The following ARL15 variants were observed in gnomAD, a reference collection of about 807,000 sequenced individuals.
The protein encoded by ARL15 is ADP-ribosylation factor-like protein 15.
ARL15 carries 19 observed loss-of-function variants against 25.2 expected under a neutral mutation model. The observed-to-expected ratio is 0.75, with a 90% CI of 0.53 to 1.10. ARL15 has a LOEUF of 1.10. Ranked by LOEUF, ARL15 falls within the 50% of genes least tolerant of loss-of-function variation. The pLI, the probability that ARL15 is intolerant of heterozygous loss-of-function variation, is 0.00. For missense variants in ARL15, 220 were observed against 246.0 expected, an observed-to-expected ratio of 0.89 and a Z score of 0.71; for synonymous variants, 94 against 86.8, an observed-to-expected ratio of 1.08 and a Z score of -0.46.
At chr5:54,216,614 GGTATAT>G (rs1756213505) in intron 1 of ARL15, among the ~76,000 whole-genome samples, 1 of 149,062 alleles carries the variant, frequency 6.7e-6, no homozygotes, top group African/African-American at 2.5e-5. Flanking sequence ...CTATATTATG[GGTATAT>G]GTATATGTAT....
At chr5:53,965,911 C>CA (rs1747544929) in intron 4 of ARL15, among the ~76,000 whole-genome samples, 1 of 152,140 alleles carries the variant, frequency 6.6e-6, no homozygotes, top group Non-Finnish European at 1.5e-5. Context: ...GGAACATCGA[C>CA]AAACTCTTGC....
chr5:53,973,347 G>T (rs1472846939), intron 4 of ARL15, among the ~76,000 whole-genome samples: 1 of 152,140 alleles, frequency 6.6e-6, no homozygotes, highest in Admixed American at 6.5e-5. Flanking sequence ...GCCGAGGCAG[G>T]TGGATCACCT....
At chr5:54,144,629 G>A (rs1753856526) in intron 3 of ARL15, among the ~76,000 whole-genome samples, 1 of 152,016 alleles carries the variant, frequency 6.6e-6, no homozygotes, top group African/African-American at 2.4e-5. Context: ...ATATTGCGGT[G>A]TGTCATAATT....
At chr5:54,015,787 A>C (rs1410931751) in intron 4 of ARL15, among the ~76,000 whole-genome samples, 1 of 152,130 alleles carries the variant, frequency 6.6e-6, no homozygotes, top group Non-Finnish European at 1.5e-5. Flanking sequence ...AGAATGTGCA[A>C]CCCCAAAATA....
chr5:54,236,672 G>T (rs1225218473), intron 1 of ARL15, among the ~76,000 whole-genome samples: 1 of 152,148 alleles, frequency 6.6e-6, no homozygotes, highest in Non-Finnish European at 1.5e-5. Context: ...TTTATAATGT[G>T]CCAGTGTTTC....
chr5:54,064,341 T>C (rs1225401194), intron 4 of ARL15, among the ~76,000 whole-genome samples: 1 of 152,158 alleles, frequency 6.6e-6, no homozygotes, highest in Non-Finnish European at 1.5e-5. Flanking sequence ...GCACTCCCCC[T>C]GTAAGTTCCC....
intron 2 of ARL15, among the ~76,000 whole-genome samples, chr5:54,164,958 T>C (rs1754523866): frequency 6.6e-6 from 1 of 151,994 alleles, no homozygotes; most frequent in South Asian, 2.1e-4. Flanking sequence ...TTTTCTGCCT[T>C]CTTTTGGATT....
At position 54,066,440 on chromosome 5, in the gene ARL15, G is replaced by A. The variant is rs569339464; in HGVS notation, c.462+46762C>T. 5.8e-4 allele frequency among the ~76,000 whole-genome samples: 88 copies of A among 152,262 alleles called. No individual in the cohort carries two copies. The South Asian group carries it at 9.8e-3, about 17-fold the overall frequency. On this transcript the variant is annotated intron_variant, in intron 4 of 4. Coordinates refer to ENST00000504924, the MANE Select transcript of ARL15 (RefSeq NM_019087.3). ...AAAATGCTTAGATGTTATATAGCAT[G>A]AACAATCAGAATACAACACTATCCA...
chr5:54,048,533 G>C (rs1418173332), intron 4 of ARL15, among the ~76,000 whole-genome samples: 1 of 150,184 alleles, frequency 6.7e-6, no homozygotes, highest in Non-Finnish European at 1.5e-5. Context: ...TTCCCAAGTA[G>C]TTGGGATTTA....
At chr5:54,058,605 C>A (rs1037611740) in intron 4 of ARL15, among the ~76,000 whole-genome samples, 3 of 152,094 alleles carry the variant, frequency 2.0e-5, no homozygotes, top group Non-Finnish European at 4.4e-5. Context: ...GAAATCTGGG[C>A]AGAGGGAAAA....
At chr5:54,260,999 G>A (rs1245815601) in intron 1 of ARL15, among the ~76,000 whole-genome samples, 7 of 152,082 alleles carry the variant, frequency 4.6e-5, no homozygotes, top group Non-Finnish European at 8.8e-5. Flanking sequence ...AGTTCCCCCC[G>A]CTTCTGATCT....
Position 54,112,186 on chromosome 5 carries a change from G to A in ARL15, c.462+1016C>T, listed in dbSNP as rs539029064. On this transcript the variant is annotated intron_variant, in intron 4 of 4. Transcript: ENST00000504924. ...CTATTTATATGGTTCTTCTACTTAG[G>A]TGTTTAAACTTCAAAGTAAATTATC... Among the ~76,000 whole-genome samples, 22 of 152,100 alleles carry A rather than the reference G, an allele frequency of 1.4e-4. 1 individual carries two copies. In the South Asian group the frequency reaches 3.5e-3, roughly 24 times the overall value.
At chr5:54,057,306 AT>A (rs1405426284) in intron 4 of ARL15, among the ~76,000 whole-genome samples, 2 of 152,216 alleles carry the variant, frequency 1.3e-5, no homozygotes, top group African/African-American at 4.8e-5. Context: ...GCTGAAGAAA[AT>A]AAATGTTCTT....
chr5:54,233,945 T>C (rs1445168894), intron 1 of ARL15, among the ~76,000 whole-genome samples: 6 of 152,224 alleles, frequency 3.9e-5, no homozygotes, highest in Non-Finnish European at 7.4e-5. Context: ...ATTTTTGTTT[T>C]GGAAAATATA....
intron 1 of ARL15, among the ~76,000 whole-genome samples, chr5:54,244,053 G>C (rs569761003): frequency 6.6e-6 from 1 of 152,016 alleles, no homozygotes; most frequent in South Asian, 2.1e-4. Context: ...TCCCTCTCTG[G>C]GCCTGTTTCC....
At chr5:53,917,298 T>C (rs950020165) in intron 4 of ARL15, among the ~76,000 whole-genome samples, 12 of 152,202 alleles carry the variant, frequency 7.9e-5, no homozygotes, top group Non-Finnish European at 1.8e-4. Flanking sequence ...AAAATTCTCC[T>C]AGGAATTTGA....
At position 53,929,949 on chromosome 5, in the gene ARL15, T is replaced by G. The variant is rs569281288; in HGVS notation, c.463-43236A>C. ...TGCTCTCTTTACTTATGCTCTGTTC[T>G]TAGGAGGGGCTGATCATTTATTATA... On this transcript the variant is annotated intron_variant, in intron 4 of 4. Coordinates refer to ENST00000504924, the MANE Select transcript of ARL15 (RefSeq NM_019087.3). Among the ~76,000 whole-genome samples, 23 of 152,166 alleles carry G rather than the reference T, an allele frequency of 1.5e-4. No individual in the cohort carries two copies. The South Asian group carries it at 4.8e-3, about 32-fold the overall frequency.
intron 4 of ARL15, among the ~76,000 whole-genome samples, chr5:53,967,925 A>C (rs1053841426): frequency 1.3e-5 from 2 of 152,188 alleles, no homozygotes; most frequent in Non-Finnish European, 2.9e-5. Context: ...TGTAGTACCA[A>C]AGAAGTAGTC....
intron 4 of ARL15, among the ~76,000 whole-genome samples, chr5:54,103,162 A>T (rs934650320): frequency 6.7e-5 from 10 of 150,110 alleles, no homozygotes; most frequent in African/African-American, 1.2e-4. Context: ...AAACTTGTAA[A>T]TTTTTTTTTT....
Sources: gnomAD v4.1 joint callset for allele counts (sites outside exome capture counted in the v4.1 genomes callset) on GRCh38, gnomAD v4.1.1 for gene constraint, MANE v1.5 for transcripts, NCBI Gene and HGNC (gene_info 2026-07-23, HGNC 2026-07-21) for gene names.